The following PHACTR1 variants were observed in gnomAD, a reference collection of about 807,000 sequenced individuals.
The protein encoded by PHACTR1 is phosphatase and actin regulator 1.
A neutral mutation model predicts 69.2 loss-of-function variants in PHACTR1; 16 were observed. That is an observed-to-expected ratio of 0.23 (90% CI 0.16 to 0.35). PHACTR1 has a LOEUF of 0.35. Among genes scored for constraint, PHACTR1 ranks in the 10% least tolerant of loss-of-function variants. PHACTR1 has a pLI of 1.00. For synonymous variants in PHACTR1, 312 were observed against 284.5 expected (o/e 1.10, Z -0.97); for missense variants, 510 against 734.7 (o/e 0.69, Z 3.54).
chr6:13,285,822 T>C lies in PHACTR1; in HGVS notation c.1651-324T>C, dbSNP rs570131902. Among the ~76,000 whole-genome samples, 439 of 152,310 alleles carry C rather than the reference T, an allele frequency of 2.9e-3. 2 individuals carry two copies. Among genetic ancestry groups the C allele is most frequent in the African/African-American group, 9.9e-3 (411 of 41,574 alleles). On this transcript the variant is annotated intron_variant, in intron 13 of 14. Coordinates refer to ENST00000332995, the MANE Select transcript of PHACTR1 (RefSeq NM_030948.6). ...ATTTATGGAAGATGAGAGGTTGACA[T>C]TGAATGTGTTCTTGGGCCCCCAGGA...
intron 4 of PHACTR1, among the ~76,000 whole-genome samples, chr6:12,922,594 T>C (rs1324170576): frequency 6.6e-6 from 1 of 152,208 alleles, no homozygotes; most frequent in Non-Finnish European, 1.5e-5. Context: ...CAAGAACATA[T>C]ATCTCCTAGC....
intron 5 of PHACTR1, among the ~76,000 whole-genome samples, chr6:13,141,219 C>G (rs879483468): frequency 2.6e-5 from 4 of 152,180 alleles, no homozygotes; most frequent in Non-Finnish European, 5.9e-5. Flanking sequence ...CAAGATTGTA[C>G]TAAGAAGCAG....
chr6:12,911,469 G>C (rs945730051), intron 4 of PHACTR1, among the ~76,000 whole-genome samples: 2 of 152,184 alleles, frequency 1.3e-5, no homozygotes, highest in Non-Finnish European at 2.9e-5. Flanking sequence ...TGGTGAGAAA[G>C]TCTAGCTTTT....
chr6:12,955,266 G>A (rs532150777), intron 4 of PHACTR1, among the ~76,000 whole-genome samples: 71 of 140,236 alleles, frequency 5.1e-4, no homozygotes, highest in African/African-American at 1.2e-3. Context: ...TAGTACAGTC[G>A]TGGCTCACCG....
chr6:13,064,596 ATATATATATCTATATATCTATCTATC>A (rs1808286886), intron 5 of PHACTR1, among the ~76,000 whole-genome samples: 1 of 8,698 alleles, frequency 1.1e-4, no homozygotes, highest in Non-Finnish European at 2.0e-4. Flanking sequence ...ATATATATAT[ATATATATATCTATATATCTATCTATC>A]CACACTTGCC....
chr6:12,776,942 T>C (rs376055784), intron 4 of PHACTR1, among the ~76,000 whole-genome samples: 3 of 152,286 alleles, frequency 2.0e-5, no homozygotes, highest in East Asian at 1.9e-4. Context: ...CCTTTTTCCA[T>C]TGAGTCAAAA....
chr6:12,852,245 G>A (rs940317971), intron 4 of PHACTR1, among the ~76,000 whole-genome samples: 3 of 152,168 alleles, frequency 2.0e-5, no homozygotes, highest in Non-Finnish European at 2.9e-5. Context: ...GCCAAGCAAC[G>A]TCCCAGAGCT....
At chr6:13,228,535 G>T (rs1014608) in intron 9 of PHACTR1, among the ~76,000 whole-genome samples, 68,290 of 152,204 alleles carry the variant, frequency 0.45, 17,926 homozygotes, top group Non-Finnish European at 0.61. Context: ...AGAGACAAGA[G>T]AAGAAATGAA....
intron 7 of PHACTR1, among the ~76,000 whole-genome samples, chr6:13,192,590 C>G (rs952324475): frequency 6.6e-6 from 1 of 152,188 alleles, no homozygotes; most frequent in African/African-American, 2.4e-5. Flanking sequence ...TTCAGCCAAG[C>G]ATGTCTCTCA....
At chr6:12,969,252 A>T (rs146371588) in intron 4 of PHACTR1, among the ~76,000 whole-genome samples, 26 of 152,210 alleles carry the variant, frequency 1.7e-4, no homozygotes, top group African/African-American at 5.1e-4. Context: ...TTAAAATCAG[A>T]TATCTTATCT....
At chr6:13,228,108 T>C (rs775270209) in intron 9 of PHACTR1, 45 bp downstream of exon 9, 11 of 1,576,242 alleles carry the variant, frequency 7.0e-6, no homozygotes, top group African/African-American at 5.4e-5. Context: ...AAGCATGCTA[T>C]TGTGGAAAGA....
chr6:13,199,003 C>T (rs114533705), intron 7 of PHACTR1, among the ~76,000 whole-genome samples: 1,767 of 152,260 alleles, frequency 0.012, 34 homozygotes, highest in African/African-American at 0.04. Flanking sequence ...CTGGGCACCA[C>T]TGTGGACTTA....
At chr6:13,038,607 T>C (rs994931550) in intron 4 of PHACTR1, among the ~76,000 whole-genome samples, 1 of 152,182 alleles carries the variant, frequency 6.6e-6, no homozygotes, top group African/African-American at 2.4e-5. Flanking sequence ...ATGTTAGCAC[T>C]TGATGTTCTG....
At chr6:12,988,168 T>A (rs1424243241) in intron 4 of PHACTR1, among the ~76,000 whole-genome samples, 1 of 152,234 alleles carries the variant, frequency 6.6e-6, no homozygotes, top group Non-Finnish European at 1.5e-5. Flanking sequence ...AGGGTCCATT[T>A]GCAGTACATA....
At chr6:12,825,831 G>A (rs1384953332) in intron 4 of PHACTR1, among the ~76,000 whole-genome samples, 4 of 151,828 alleles carry the variant, frequency 2.6e-5, no homozygotes, top group African/African-American at 9.7e-5. Context: ...TGAAATTCAG[G>A]TTTCCCAAAC....
intron 7 of PHACTR1, among the ~76,000 whole-genome samples, chr6:13,192,720 C>G (rs1375939845): frequency 6.6e-6 from 1 of 152,158 alleles, no homozygotes; most frequent in Non-Finnish European, 1.5e-5. Flanking sequence ...AAGCTTCCTT[C>G]CTTTTGCATA....
At chr6:12,722,322 C>G (rs1424562246) in intron 3 of PHACTR1, among the ~76,000 whole-genome samples, 1 of 152,210 alleles carries the variant, frequency 6.6e-6, no homozygotes, top group Non-Finnish European at 1.5e-5. Flanking sequence ...TCCCCTCTCT[C>G]ATTTCCCACA....
At chr6:12,830,920 A>G (rs966140111) in intron 4 of PHACTR1, among the ~76,000 whole-genome samples, 1 of 152,092 alleles carries the variant, frequency 6.6e-6, no homozygotes, top group Non-Finnish European at 1.5e-5. Flanking sequence ...TATTTTGAAA[A>G]AAATGTTTAT....
At position 13,113,897 on chromosome 6, in the gene PHACTR1, C is replaced by G. The variant is rs566337335; in HGVS notation, c.416-46307C>G. On this transcript the variant is annotated intron_variant, in intron 5 of 14. Transcript: ENST00000332995. Reference sequence around the variant, plus strand: ...TGTTAGAAATATTGAAAGTATTGAGCAAGGTAACCTGCAAGTATCAAAAAC... The same window carrying G: ...TGTTAGAAATATTGAAAGTATTGAGGAAGGTAACCTGCAAGTATCAAAAAC... Among the ~76,000 whole-genome samples the G allele has an allele frequency of 2.4e-4, 37 of 152,066 alleles. 1 individual carries two copies. The highest frequency in any genetic ancestry group is 3.8e-4 in the Non-Finnish European group (26 of 68,012).
Sources: allele counts gnomAD v4.1 joint callset (sites outside exome capture counted in the v4.1 genomes callset), GRCh38; gene constraint gnomAD v4.1.1; transcripts MANE v1.5; gene names NCBI Gene and HGNC (gene_info 2026-07-23, HGNC 2026-07-21).